Variants in ZNF703 observed in about 807,000 individuals in gnomAD.
The protein encoded by ZNF703 is NocA-like zinc finger 1.
In ZNF703, 18 loss-of-function variants were observed where a neutral mutation model predicts 30.7. The observed-to-expected ratio is 0.59, with a 90% confidence interval of 0.40 to 0.87. The LOEUF (loss-of-function observed/expected upper bound fraction) is 0.87. Ranked by LOEUF, ZNF703 falls within the 40% of genes least tolerant of loss-of-function variation. The pLI is 0.00. For synonymous variants in ZNF703, 457 were observed against 438.6 expected (o/e 1.04, Z -0.52); for missense variants, 814 against 847.8 (o/e 0.96, Z 0.50).
chr8:37,697,058 G>T lies in ZNF703; in HGVS notation c.244-87G>T, dbSNP rs546169595. ...CAGGCCCGCCCCGCCCCGTGGCGCC[G>T]CCGCCCAGCTCCCCGGGCGCCCCCG... On this transcript the variant is annotated intron_variant, in intron 1 of 1. Coordinates refer to ENST00000331569, the MANE Select transcript of ZNF703 (RefSeq NM_025069.3). 9.2e-5 allele frequency: 126 copies of T among 1,365,994 alleles called. No individual in the cohort carries two copies. In the East Asian group the frequency reaches 1.7e-3, roughly 19 times the overall value. 84.6% of individuals were successfully genotyped at this position (1,365,994 alleles called of 1,614,324 possible).
chr8:37,696,271 G>A lies in ZNF703; in HGVS notation c.243+49G>A, dbSNP rs935367954. 7.9e-6 allele frequency: 12 copies of A among 1,528,334 alleles called. No individual in the cohort carries two copies. Among genetic ancestry groups the A allele is most frequent in the Non-Finnish European group, 1.1e-5 (12 of 1,135,226 alleles). 94.7% of individuals were successfully genotyped at this position (1,528,334 alleles called of 1,614,324 possible). ...GGGCGCCGGCCCCATTCCTCCCACCGCGACCGGGACCCTGACCCAGCTCCC... is the reference window on the plus strand; with the variant it reads ...GGGCGCCGGCCCCATTCCTCCCACCACGACCGGGACCCTGACCCAGCTCCC... On this transcript the variant is annotated intron_variant, in intron 1 of 1. Coordinates refer to ENST00000331569, the MANE Select transcript of ZNF703 (RefSeq NM_025069.3). The surrounding 1 kb of genome is among the most constrained non-coding windows in gnomAD (Gnocchi z 8.2).
In ZNF703 at chr8:37,698,631, A is replaced by G. The variant is rs773834020; in HGVS notation, c.1730A>G (p.Tyr577Cys). 12 of 1,524,802 alleles carry G rather than the reference A, an allele frequency of 7.9e-6. No homozygotes were observed. The highest frequency in any genetic ancestry group is 1.4e-5 in the African/African-American group (1 of 69,640). 94.5% of individuals were successfully genotyped at this position (1,524,802 alleles called of 1,614,324 possible). ...CCCTACTATTCGCCATACGCGCTGTATGGACAGAGACTAGCTTCAGCCTCG... is the reference window on the plus strand; with the variant it reads ...CCCTACTATTCGCCATACGCGCTGTGTGGACAGAGACTAGCTTCAGCCTCG... ...AGPYYSPYAL[Y>C]GQRLASASAL... The change falls in exon 2 of 2, where the codon TAT becomes TGT. Residue 577 changes from tyrosine to cysteine, a missense_variant. Transcript: ENST00000331569.
At position 37,699,250 on chromosome 8, in the gene ZNF703, CAGAG is replaced by C. The variant is rs1802129198; in HGVS notation, c.*579_*582del. On this transcript the variant is annotated 3_prime_UTR_variant, in exon 2 of 2. Coordinates refer to ENST00000331569, the MANE Select transcript of ZNF703 (RefSeq NM_025069.3). ...GTTTTTTCCTTTGTTGTACAAGTAA[CAGAG>C]AGGAGGTTTTTTTTGTAACTCATTT... 1 of 152,246 alleles carries C rather than the reference CAGAG, an allele frequency of 6.6e-6. No homozygotes were observed. The highest frequency in any genetic ancestry group is 1.5e-5 in the Non-Finnish European group (1 of 68,156). 9.4% of individuals were successfully genotyped at this position (152,246 alleles called of 1,614,324 possible).
rs888450953 is a variant in ZNF703, at chr8:37,695,959, C to T, written c.-21C>T. 4.0e-6 allele frequency: 6 copies of T among 1,482,344 alleles called. No individual in the cohort carries two copies. Among genetic ancestry groups the T allele is most frequent in the Non-Finnish European group, 5.4e-6 (6 of 1,114,708 alleles). 91.8% of individuals were successfully genotyped at this position (1,482,344 alleles called of 1,614,324 possible). A position where few individuals can be genotyped will look rare whatever the true frequency, so the allele number is the denominator to read the frequency against. ...TGCTCCCCCGCCCTCCCCGCCCCCC[C>T]AGCGGCGCTGCCTCCTCCAAATGAG... On this transcript the variant is annotated 5_prime_UTR_variant, in exon 1 of 2. Coordinates refer to ENST00000331569, the MANE Select transcript of ZNF703 (RefSeq NM_025069.3).
Position 37,698,460 on chromosome 8 carries a change from T to C in ZNF703, c.1559T>C (p.Leu520Pro). 1 of 1,488,676 alleles carries C rather than the reference T, an allele frequency of 6.7e-7. No individual in the cohort carries two copies. Among genetic ancestry groups the C allele is most frequent in the South Asian group, 1.3e-5 (1 of 76,262 alleles). The allele number at this position is 1,488,676 out of a possible 1,614,324, so 92.2% of individuals were successfully genotyped here. Reference sequence around the variant, plus strand: ...GCCGCCGCCTCCTGCCATCTGCACCTCCCCCCGCCCGCCGCCCCCGGCAGC... The same window carrying C: ...GCCGCCGCCTCCTGCCATCTGCACCCCCCCCCGCCCGCCGCCCCCGGCAGC... ...AAAAASCHLH[L>P]PPPAAPGSPG... Residue 520 changes from leucine to proline, a missense_variant, in exon 2 of 2, where the codon CTC (leucine) becomes CCC (proline). Physicochemically the swap from Leu to Pro is moderately conservative, Grantham distance 98. Coordinates refer to ENST00000331569, the MANE Select transcript of ZNF703 (RefSeq NM_025069.3).
At position 37,698,763 on chromosome 8, in the gene ZNF703, C is replaced by A; in HGVS notation, c.*89C>A. 1 of 1,174,384 alleles carries A rather than the reference C, an allele frequency of 8.5e-7. No homozygotes were observed. The highest frequency in any genetic ancestry group is 1.1e-6 in the Non-Finnish European group (1 of 900,010). The allele number at this position is 1,174,384 out of a possible 1,614,324, so 72.7% of individuals were successfully genotyped here. On this transcript the variant is annotated 3_prime_UTR_variant, in exon 2 of 2. Transcript: ENST00000331569. ...CCTGCCGTCGCCGCTGCAACCTCCACTACTGCTTGACCCTGCCGGGATTCC... is the reference window on the plus strand; with the variant it reads ...CCTGCCGTCGCCGCTGCAACCTCCAATACTGCTTGACCCTGCCGGGATTCC...
rs1802086299 is a variant in ZNF703 at position 37,697,317 on chromosome 8, C to T, written c.416C>T (p.Ala139Val). ...SAPGAASAAA[A>V]LKQLGDSPAE... The stretch of plus-strand genomic sequence containing the variant: ...CCGGGCGCCGCCTCCGCAGCCGCGG[C>T]CCTGAAGCAGCTGGGGGACTCACCG... The change falls in exon 2 of 2, where the codon GCC becomes GTC. Residue 139 changes from alanine to valine, a missense_variant. Physicochemically the swap from Ala to Val is moderately conservative, Grantham distance 64. Coordinates refer to ENST00000331569, the MANE Select transcript of ZNF703 (RefSeq NM_025069.3). 1 of 1,563,484 alleles carries T rather than the reference C, an allele frequency of 6.4e-7. No homozygotes were observed. The highest frequency in any genetic ancestry group is 8.6e-7 in the Non-Finnish European group (1 of 1,156,130).
At position 37,698,658 on chromosome 8, in the gene ZNF703, C is replaced by T. The variant is rs1340193267; in HGVS notation, c.1757C>T (p.Ala586Val). Residue 586 changes from alanine (A) to valine (V), a missense_variant, in exon 2 of 2, where the codon GCG (alanine) becomes GTG (valine). Physicochemically the swap from Ala to Val is moderately conservative, Grantham distance 64 (BLOSUM62 0). Coordinates refer to ENST00000331569, the MANE Select transcript of ZNF703 (RefSeq NM_025069.3). ...LYGQRLASAS[A>V]LGYQ ...GGACAGAGACTAGCTTCAGCCTCGG[C>T]GCTGGGATACCAGTAACTACAGCTC... The T allele has an allele frequency of 2.7e-6, 4 of 1,464,350 alleles. No homozygotes were observed. Among genetic ancestry groups the T allele is most frequent in the African/African-American group, 1.5e-5 (1 of 68,462 alleles). 90.7% of individuals were successfully genotyped at this position (1,464,350 alleles called of 1,614,324 possible).
chr8:37,698,448 G>A lies in ZNF703; in HGVS notation c.1547G>A (p.Cys516Tyr). 6.7e-7 allele frequency: 1 copy of A among 1,487,328 alleles called. No individual in the cohort carries two copies. Among genetic ancestry groups the A allele is most frequent in the Non-Finnish European group, 8.9e-7 (1 of 1,121,248 alleles). 92.1% of individuals were successfully genotyped at this position (1,487,328 alleles called of 1,614,324 possible). A position where few individuals can be genotyped will look rare whatever the true frequency, so the allele number is the denominator to read the frequency against. The change falls in exon 2 of 2, where the codon TGC (cysteine) becomes TAC (tyrosine). Residue 516 changes from cysteine (C) to tyrosine (Y), a missense_variant. Coordinates refer to ENST00000331569, the MANE Select transcript of ZNF703 (RefSeq NM_025069.3). ...GCCGCCGCCGCCGCCGCCGCCTCCT[G>A]CCATCTGCACCTCCCCCCGCCCGCC... ...AAAAAAAAASCHLHLPPPAAP... is the reference protein window; with the variant it reads ...AAAAAAAAASYHLHLPPPAAP...
At position 37,695,952 on chromosome 8, in the gene ZNF703, GC is replaced by G; in HGVS notation, c.-21del. On this transcript the variant is annotated 5_prime_UTR_variant, in exon 1 of 2. Coordinates refer to ENST00000331569, the MANE Select transcript of ZNF703 (RefSeq NM_025069.3). ...TCCCCGGTGCTCCCCCGCCCTCCCC[GC>G]CCCCCCAGCGGCGCTGCCTCCTCCA... 3.1e-5 allele frequency: 19 copies of G among 603,714 alleles called. No individual in the cohort carries two copies. The highest frequency in any genetic ancestry group is 4.3e-5 in the Non-Finnish European group (17 of 398,532). The allele number at this position is 603,714 out of a possible 1,614,324, so 37.4% of individuals were successfully genotyped here. A position where few individuals can be genotyped will look rare whatever the true frequency, so the allele number is the denominator to read the frequency against.
At chr8:37,697,054 C>A (rs1476432598) in intron 1 of ZNF703, 91 bp from the exon 2 acceptor site, 2 of 1,358,648 alleles carry the variant, frequency 1.5e-6, no homozygotes, top group South Asian at 3.6e-5. Flanking sequence ...CGCCCCGTGG[C>A]GCCGCCGCCC....
At position 37,698,117 on chromosome 8, in the gene ZNF703, G is replaced by A. The variant is rs1041666351; in HGVS notation, c.1216G>A (p.Gly406Arg). The change falls in exon 2 of 2, where the codon GGG becomes AGG. Residue 406 changes from glycine to arginine, a missense_variant. Coordinates refer to ENST00000331569, the MANE Select transcript of ZNF703 (RefSeq NM_025069.3). ...CSTCSAHDPA[G>R]PSLKAGGYPL... ...CACCTGCAGCGCGCACGACCCTGCC[G>A]GGCCCAGCCTGAAGGCGGGGGGCTA... is the stretch of plus-strand genomic sequence containing the variant. The A allele has an allele frequency of 8.5e-6, 13 of 1,532,034 alleles. No individual in the cohort carries two copies. The African/African-American group carries it at 1.1e-4, about 13-fold the overall frequency. 94.9% of individuals were successfully genotyped at this position (1,532,034 alleles called of 1,614,324 possible).
rs1802112269 is a variant in ZNF703 at position 37,698,385 on chromosome 8, C to T, written c.1484C>T (p.Ala495Val). Residue 495 changes from alanine (A) to valine (V), a missense_variant, in exon 2 of 2, where the codon GCC becomes GTC. Ala to Val is a moderately conservative substitution (Grantham distance 64). Coordinates refer to ENST00000331569, the MANE Select transcript of ZNF703 (RefSeq NM_025069.3). Reference sequence around the variant, plus strand: ...CTGCCGGGAGCCGAGAAACTTCTGGCCGCCTACCCCGGGGCCTCGGGCCTG... The same window carrying T: ...CTGCCGGGAGCCGAGAAACTTCTGGTCGCCTACCCCGGGGCCTCGGGCCTG... ...TALPGAEKLL[A>V]AYPGASGLGS... 1 of 1,522,010 alleles carries T rather than the reference C, an allele frequency of 6.6e-7. No individual in the cohort carries two copies. Among genetic ancestry groups the T allele is most frequent in the Non-Finnish European group, 8.8e-7 (1 of 1,135,844 alleles). 94.3% of individuals were successfully genotyped at this position (1,522,010 alleles called of 1,614,324 possible).
Position 37,697,131 on chromosome 8 carries a change from T to C in ZNF703, c.244-14T>C, listed in dbSNP as rs933668917. On this transcript the variant is annotated splice_polypyrimidine_tract_variant and intron_variant, in intron 1 of 1. Coordinates refer to ENST00000331569, the MANE Select transcript of ZNF703 (RefSeq NM_025069.3). ...CTCACTCCTTCTCCCTCCCCCTGCT[T>C]CTGTCTCCCACAGCTGGACGCCAAG... 2.0e-6 allele frequency: 3 copies of C among 1,526,476 alleles called. No homozygotes were observed. The African/African-American group carries it at 4.4e-5, about 22-fold the overall frequency. 94.6% of individuals were successfully genotyped at this position (1,526,476 alleles called of 1,614,324 possible).
In ZNF703 at chr8:37,697,279, C is replaced by T. The variant is rs753058728; in HGVS notation, c.378C>T (p.Pro126=). 2.5e-6 allele frequency: 4 copies of T among 1,570,326 alleles called. No homozygotes were observed. The highest frequency in any genetic ancestry group is 1.4e-5 in the African/African-American group (1 of 72,266). Reference sequence around the variant, plus strand: ...ACGGGCTGGGAGCGGAGAAGGACCCCGGCCGCTCAGCCCCGGGCGCCGCCT... The same window carrying T: ...ACGGGCTGGGAGCGGAGAAGGACCCTGGCCGCTCAGCCCCGGGCGCCGCCT... The part of the protein sequence containing the change: ...AANGLGAEKD[P]GRSAPGAASA... Residue 126 remains proline, a synonymous_variant, in exon 2 of 2, where the codon CCC becomes CCT. Transcript: ENST00000331569.
In ZNF703 at chr8:37,698,218, C is replaced by A. The variant is rs1802109355; in HGVS notation, c.1317C>A (p.Gly439=). 3.3e-6 allele frequency: 5 copies of A among 1,535,030 alleles called. No homozygotes were observed. The South Asian group carries it at 6.0e-5, about 18-fold the overall frequency. The stretch of plus-strand genomic sequence containing the variant: ...GCGCCGCCCAGGCCGCGCTCCCCGG[C>A]CACCCGCTCTACACCTACGGCTTCA... ...SSSAAQAALP[G]HPLYTYGFML... is the part of the protein sequence containing the mutation. Residue 439 remains glycine (G), a synonymous_variant, in exon 2 of 2, where the codon GGC becomes GGA. Coordinates refer to ENST00000331569, the MANE Select transcript of ZNF703 (RefSeq NM_025069.3).
Position 37,697,997 on chromosome 8 carries a change from G to A in ZNF703, c.1096G>A (p.Ala366Thr), listed in dbSNP as rs765048667. ...CCCCAGCTCCAGCCCGCTCACCGGGGCCTCCCCGCCCTCCTTCCTGCAGGG... is the reference window on the plus strand; with the variant it reads ...CCCCAGCTCCAGCCCGCTCACCGGGACCTCCCCGCCCTCCTTCCTGCAGGG... ...KPPSSSPLTG[A>T]SPPSFLQGLC... The change falls in exon 2 of 2, where the codon GCC becomes ACC. Residue 366 changes from alanine (A) to threonine (T), a missense_variant. Coordinates refer to ENST00000331569, the MANE Select transcript of ZNF703 (RefSeq NM_025069.3). 2.6e-6 allele frequency: 4 copies of A among 1,559,312 alleles called. No individual in the cohort carries two copies. Among genetic ancestry groups the A allele is most frequent in the Admixed American group, 1.8e-5 (1 of 55,938 alleles).
In ZNF703 at chr8:37,698,479, C is replaced by G. The variant is rs759506072; in HGVS notation, c.1578C>G (p.Pro526=). The part of the protein sequence containing the change: ...CHLHLPPPAA[P]GSPGSLSLRN... ...TGCACCTCCCCCCGCCCGCCGCCCC[C>G]GGCAGCCCCGGGTCGCTGTCCTTGC... is the stretch of plus-strand genomic sequence containing the variant. The change falls in exon 2 of 2, where the codon CCC becomes CCG. Residue 526 remains proline (P), a synonymous_variant. Coordinates refer to ENST00000331569, the MANE Select transcript of ZNF703 (RefSeq NM_025069.3). 1 of 1,526,992 alleles carries G rather than the reference C, an allele frequency of 6.5e-7. No homozygotes were observed. 94.6% of individuals were successfully genotyped at this position (1,526,992 alleles called of 1,614,324 possible).
chr8:37,697,793 C>G lies in ZNF703; in HGVS notation c.892C>G (p.Pro298Ala), dbSNP rs1585876361. ...VGAGHVAPVS[P>A]YKPGHSVFPL... ...GGCCGGCCACGTGGCGCCGGTGTCT[C>G]CCTACAAGCCGGGCCACTCGGTGTT... The change falls in exon 2 of 2, where the codon CCC (proline) becomes GCC (alanine). Residue 298 changes from proline to alanine, a missense_variant. Physicochemically the swap from Pro to Ala is conservative, Grantham distance 27. Coordinates refer to ENST00000331569, the MANE Select transcript of ZNF703 (RefSeq NM_025069.3). 2.0e-6 allele frequency: 3 copies of G among 1,522,888 alleles called. No individual in the cohort carries two copies. The highest frequency in any genetic ancestry group is 2.6e-6 in the Non-Finnish European group (3 of 1,141,216). The allele number at this position is 1,522,888 out of a possible 1,614,324, so 94.3% of individuals were successfully genotyped here.
Sources: gnomAD v4.1 joint callset for allele counts on GRCh38, gnomAD v4.1.1 for gene constraint, Gnocchi (gnomAD v3.1) non-coding constraint, MANE v1.5 for transcripts, NCBI Gene and HGNC (gene_info 2026-07-23, HGNC 2026-07-21) for gene names.